Variants in ANKS1A observed in about 807,000 individuals in gnomAD.
ANKS1A encodes ankyrin repeat and sterile alpha motif domain containing 1A.
In ANKS1A, 55 loss-of-function variants were observed where a neutral mutation model predicts 120.3. That is an observed-to-expected ratio of 0.46 (90% CI 0.37 to 0.57). The LOEUF (loss-of-function observed/expected upper bound fraction) is 0.57. Ranked by LOEUF, ANKS1A falls within the 20% of genes least tolerant of loss-of-function variation. The probability of loss-of-function intolerance (pLI) is 0.00; values close to 1 mark genes in which losing one functional copy is unlikely to be tolerated. For synonymous variants in ANKS1A, 590 were observed against 604.7 expected (o/e 0.98, Z 0.36); for missense variants, 1,123 against 1,480.3 (o/e 0.76, Z 3.96).
At chr6:34,957,870 A>G (rs751969545) in intron 1 of ANKS1A, among the ~76,000 whole-genome samples, 6 of 152,342 alleles carry the variant, frequency 3.9e-5, no homozygotes, top group Non-Finnish European at 8.8e-5. Context: ...AATCAACTAT[A>G]TGACAATCAG....
At chr6:35,061,256 G>A (rs1408605856) in intron 13 of ANKS1A, among the ~76,000 whole-genome samples, 1 of 152,238 alleles carries the variant, frequency 6.6e-6, no homozygotes, top group East Asian at 1.9e-4. Flanking sequence ...TCAGGCTCCA[G>A]CCACTCTGCT....
intron 1 of ANKS1A, among the ~76,000 whole-genome samples, chr6:34,893,407 G>C (rs925389141): frequency 6.6e-6 from 1 of 152,182 alleles, no homozygotes; most frequent in African/African-American, 2.4e-5. Context: ...AAAGTGCTGG[G>C]ATTATAGGTG....
At chr6:34,942,270 A>C (rs1171058239) in intron 1 of ANKS1A, among the ~76,000 whole-genome samples, 1 of 151,988 alleles carries the variant, frequency 6.6e-6, no homozygotes, top group Non-Finnish European at 1.5e-5. Flanking sequence ...TACTTTACCA[A>C]CTCTCTCTAG....
intron 1 of ANKS1A, among the ~76,000 whole-genome samples, chr6:34,924,097 G>A (rs1204557201): frequency 6.9e-6 from 1 of 144,554 alleles, no homozygotes; most frequent in Non-Finnish European, 1.5e-5. Flanking sequence ...TTTCGTGTGT[G>A]TGTGTGTGTG....
chr6:35,063,749 C>T (rs1280022741), intron 13 of ANKS1A, among the ~76,000 whole-genome samples: 2 of 152,198 alleles, frequency 1.3e-5, no homozygotes, highest in African/African-American at 4.8e-5. Flanking sequence ...AAGCAAATAA[C>T]GTAGGTGTCT....
chr6:35,001,704 C>T (rs1378193371), intron 10 of ANKS1A, among the ~76,000 whole-genome samples: 2 of 152,352 alleles, frequency 1.3e-5, no homozygotes, highest in East Asian at 3.9e-4. Context: ...CCTTGTTCAT[C>T]CCCGAGCGGA....
At chr6:35,023,804 A>G (rs769374290) in intron 11 of ANKS1A, 6 of 257,090 alleles carry the variant, frequency 2.3e-5, no homozygotes, top group Non-Finnish European at 4.8e-5. Flanking sequence ...AGATGGTGAC[A>G]TTCTTGGAAA....
At chr6:34,966,991 C>T (rs1358262292) in intron 1 of ANKS1A, among the ~76,000 whole-genome samples, 3 of 152,158 alleles carry the variant, frequency 2.0e-5, no homozygotes, top group African/African-American at 7.2e-5. Flanking sequence ...ACTAGAAGAA[C>T]AGACTCTTAA....
chr6:34,983,482 T>C, intron 7 of ANKS1A, 57 bp downstream of exon 7: 1 of 1,379,636 alleles, frequency 7.2e-7, no homozygotes, highest in Non-Finnish European at 1.0e-6. Context: ...GAGTTGAAAA[T>C]TCGTGGGCAG....
intron 8 of ANKS1A, among the ~76,000 whole-genome samples, chr6:34,988,411 A>G (rs995198079): frequency 6.6e-6 from 1 of 152,208 alleles, no homozygotes; most frequent in Non-Finnish European, 1.5e-5. Flanking sequence ...CCTGGGTAAC[A>G]TGGTGAAACC....
chr6:34,927,770 A>C (rs1169150095), intron 1 of ANKS1A, among the ~76,000 whole-genome samples: 1 of 152,170 alleles, frequency 6.6e-6, no homozygotes, highest in African/African-American at 2.4e-5. Flanking sequence ...CTGAGCCTCT[A>C]ATCCTGCCTG....
chr6:34,966,398 A>G (rs75458026), intron 1 of ANKS1A, among the ~76,000 whole-genome samples: 2 of 152,214 alleles, frequency 1.3e-5, no homozygotes, highest in Admixed American at 6.5e-5. Context: ...GGGAAAAAAA[A>G]TAGGATACTT....
intron 10 of ANKS1A, among the ~76,000 whole-genome samples, chr6:35,015,024 G>A (rs897796161): frequency 3.9e-5 from 6 of 152,178 alleles, no homozygotes; most frequent in South Asian, 2.1e-4. Context: ...GCCATGAGTC[G>A]TGGCTTCCTG....
intron 1 of ANKS1A, among the ~76,000 whole-genome samples, chr6:34,890,695 G>C (rs1766773905): frequency 6.6e-6 from 1 of 152,134 alleles, no homozygotes. Context: ...GGGGGATTGG[G>C]GGTGCTTTGT....
intron 10 of ANKS1A, among the ~76,000 whole-genome samples, chr6:34,994,681 G>A (rs1032659947): frequency 2.0e-5 from 3 of 152,212 alleles, no homozygotes; most frequent in African/African-American, 7.2e-5. Flanking sequence ...CTAACTGTGG[G>A]AGGAGAGACC....
chr6:35,038,191 AG>A, intron 11 of ANKS1A: 1 of 456,578 alleles, frequency 2.2e-6, no homozygotes, highest in Non-Finnish European at 4.4e-6. Flanking sequence ...CATTTTCTCT[AG>A]GCTAAGAGAA....
At chr6:34,974,308 TCCCTTC>T (rs1345560909) in intron 3 of ANKS1A, among the ~76,000 whole-genome samples, 10 of 44,664 alleles carry the variant, frequency 2.2e-4, no homozygotes, top group Non-Finnish European at 3.0e-4. Flanking sequence ...CCCTTCCCTT[TCCCTTC>T]CCCTTCCCCT....
At chr6:34,910,728 G>A (rs560600415) in intron 1 of ANKS1A, among the ~76,000 whole-genome samples, 14 of 152,110 alleles carry the variant, frequency 9.2e-5, no homozygotes, top group African/African-American at 3.4e-4. Flanking sequence ...CAGGCGTGGT[G>A]GTGGGTGCCT....
intron 13 of ANKS1A, among the ~76,000 whole-genome samples, chr6:35,070,484 CTTTTTT>C (rs869249276): frequency 1.6e-5 from 1 of 62,968 alleles, no homozygotes; most frequent in African/African-American, 6.1e-5. Flanking sequence ...AAGCCTTTAT[CTTTTTT>C]TTTTTTTTTT....
Sources: gnomAD v4.1 joint callset for allele counts (sites outside exome capture counted in the v4.1 genomes callset) on GRCh38, gnomAD v4.1.1 for gene constraint, MANE v1.5 for transcripts, NCBI Gene and HGNC (gene_info 2026-07-23, HGNC 2026-07-21) for gene names.